Variants in BEGAIN observed in about 807,000 individuals in gnomAD.
BEGAIN encodes brain enriched guanylate kinase associated, also known as brain-enriched guanylate kinase-associated protein.
A neutral mutation model predicts 35.8 loss-of-function variants in BEGAIN; 19 were observed. The ratio of observed to expected loss-of-function variants is 0.53; its 90% CI spans 0.37 to 0.78. The LOEUF is 0.78. Ranked by LOEUF, BEGAIN falls within the 30% of genes least tolerant of loss-of-function variation. The pLI, the probability that BEGAIN is intolerant of heterozygous loss-of-function variation, is 0.00. For missense variants in BEGAIN, 795 were observed against 853.6 expected, an observed-to-expected ratio of 0.93 and a Z score of 0.85; for synonymous variants, 462 against 388.6, an observed-to-expected ratio of 1.19 and a Z score of -2.22.
chr14:100,542,799 C>T (rs1212266544), intron 5 of BEGAIN, among the ~76,000 whole-genome samples: 2 of 152,368 alleles, frequency 1.3e-5, no homozygotes, highest in East Asian at 3.9e-4. Context: ...CTCCTGTCCT[C>T]GTCCCTACAG....
chr14:100,583,754 C>T (rs1338281521), intron 1 of BEGAIN, among the ~76,000 whole-genome samples: 2 of 130,226 alleles, frequency 1.5e-5, no homozygotes, highest in Admixed American at 8.6e-5. Context: ...TGTAGTGGCA[C>T]GATCTCGGCT....
intron 1 of BEGAIN, chr14:100,577,821 G>C (rs2035234196): frequency 2.5e-6 from 1 of 399,390 alleles, no homozygotes; most frequent in South Asian, 1.3e-4. Context: ...TTGGCATGTG[G>C]CTTCGAAGGT....
chr14:100,581,730 C>T (rs1478868683), intron 1 of BEGAIN, among the ~76,000 whole-genome samples: 3 of 152,236 alleles, frequency 2.0e-5, no homozygotes, highest in Admixed American at 2.0e-4. Flanking sequence ...ACACCCGTTT[C>T]CTCTCCAGAT....
rs1159747317 is a variant in BEGAIN, at chr14:100,586,857, C to G, written c.42+392G>C. ...GCCCTGCCCCCAGACGCAGGCGGGT[C>G]CAGGCCTGCCCGCACCCTCGCCACC... On this transcript the variant is annotated intron_variant, in intron 1 of 6. Coordinates refer to ENST00000554140, the MANE Select transcript of BEGAIN (RefSeq NM_001385089.1). The surrounding 1 kb of genome is among the most constrained non-coding windows in gnomAD (Gnocchi z 4.9). Among the ~76,000 whole-genome samples the G allele has an allele frequency of 6.6e-6, 1 of 152,112 alleles. No individual in the cohort carries two copies. Among genetic ancestry groups the G allele is most frequent in the Non-Finnish European group, 1.5e-5 (1 of 67,996 alleles).
chr14:100,579,140 C>A (rs1031562874), intron 1 of BEGAIN, among the ~76,000 whole-genome samples: 2 of 152,222 alleles, frequency 1.3e-5, no homozygotes, highest in Non-Finnish European at 2.9e-5. Context: ...GGATTATAGG[C>A]GTGAGCCACT....
intron 2 of BEGAIN, among the ~76,000 whole-genome samples, chr14:100,562,322 A>G (rs903610726): frequency 1.3e-5 from 2 of 152,032 alleles, no homozygotes; most frequent in Non-Finnish European, 2.9e-5. Flanking sequence ...CCCACCCTCA[A>G]TGAGCACCTA....
At chr14:100,554,220 G>A (rs555410430) in intron 2 of BEGAIN, among the ~76,000 whole-genome samples, 14 of 152,308 alleles carry the variant, frequency 9.2e-5, no homozygotes, top group African/African-American at 2.4e-4. Flanking sequence ...TGGAGGCTGC[G>A]GGGGAGGCCT....
At chr14:100,578,118 C>T (rs955368446) in intron 1 of BEGAIN, among the ~76,000 whole-genome samples, 2 of 152,166 alleles carry the variant, frequency 1.3e-5, no homozygotes, top group Non-Finnish European at 2.9e-5. Context: ...AGTGGCAGGG[C>T]CTCTTGGCCT....
At chr14:100,577,828 A>G (rs927957045) in intron 1 of BEGAIN, 5 of 399,284 alleles carry the variant, frequency 1.3e-5, no homozygotes, top group Non-Finnish European at 2.2e-5. Flanking sequence ...GTGGCTTCGA[A>G]GGTCCTGTCT....
chr14:100,567,863 C>T lies in BEGAIN; in HGVS notation c.71+48G>A. On this transcript the variant is annotated intron_variant, in intron 2 of 6. Coordinates refer to ENST00000554140, the MANE Select transcript of BEGAIN (RefSeq NM_001385089.1). This position sits in a 1 kb window ranked among gnomAD's most constrained non-coding sequence, Gnocchi z 5.1. The stretch of plus-strand genomic sequence containing the variant: ...CCCCCGCCTTCCCCAGCGCCCTCAC[C>T]CCCGACCCGGCCCCCGCGAGCCGCG... 6.9e-7 allele frequency: 1 copy of T among 1,459,612 alleles called. No individual in the cohort carries two copies. Among genetic ancestry groups the T allele is most frequent in the South Asian group, 1.3e-5 (1 of 79,404 alleles). The allele number at this position is 1,459,612 out of a possible 1,614,324, so 90.4% of individuals were successfully genotyped here.
rs761861721 is a variant in BEGAIN at position 100,562,690 on chromosome 14, C to CT, written c.71+5220dup. 3.0e-4 allele frequency among the ~76,000 whole-genome samples: 46 copies of CT among 152,172 alleles called. 1 individual carries two copies. Among genetic ancestry groups the CT allele is most frequent in the Non-Finnish European group, 5.4e-4 (37 of 68,032 alleles). ...AGGCCACCGGTACACCTGCTGCTCC[C>CT]TCTGCCTGGACCTCCTGGTGCCTTG... On this transcript the variant is annotated intron_variant, in intron 2 of 6. Coordinates refer to ENST00000554140, the MANE Select transcript of BEGAIN (RefSeq NM_001385089.1).
In BEGAIN at chr14:100,538,950, G is replaced by A. The variant is rs377304767; in HGVS notation, c.858C>T (p.Ala286=). The change falls in exon 7 of 7, where the codon GCC becomes GCT. Residue 286 remains alanine (A), a synonymous_variant. Transcript: ENST00000554140. ...LRAQNSTDSA[A]EEEEEAEAAA... ...CCGCCTCGGCCTCCTCCTCCTCCTC[G>A]GCCGCGCTGTCAGTGGAGTTCTGGG... The A allele has an allele frequency of 2.3e-5, 37 of 1,608,878 alleles. No individual in the cohort carries two copies. The African/African-American group carries it at 3.7e-4, about 16-fold the overall frequency.
intron 5 of BEGAIN, 75 bp downstream of exon 5, chr14:100,543,783 T>C: frequency 3.4e-6 from 4 of 1,160,600 alleles, no homozygotes; most frequent in Non-Finnish European, 2.5e-6. Flanking sequence ...AGAATGTGAC[T>C]CCCAGTGCAT....
chr14:100,573,000 G>A (rs1049506668), intron 1 of BEGAIN, among the ~76,000 whole-genome samples: 6 of 151,932 alleles, frequency 3.9e-5, no homozygotes, highest in Non-Finnish European at 8.8e-5. Flanking sequence ...CCCAAGAGAT[G>A]AATCAGTACA....
intron 3 of BEGAIN, chr14:100,545,343 T>TGATACGGCGAC: frequency 4.6e-6 from 6 of 1,316,298 alleles, no homozygotes; most frequent in Admixed American, 6.8e-5. Context: ...GGCTTGTTAT[T>TGATACGGCGAC]CACAAGAGAC....
chr14:100,587,225 C>T (rs2035465822), intron 1 of BEGAIN, 24 bp downstream of exon 1: 1 of 189,598 alleles, frequency 5.3e-6, no homozygotes, highest in Non-Finnish European at 1.1e-5. Context: ...CCGCGCCCTG[C>T]CCTCCCGGCT....
At chr14:100,583,646 CTT>C (rs1438061108) in intron 1 of BEGAIN, among the ~76,000 whole-genome samples, 1 of 146,298 alleles carries the variant, frequency 6.8e-6, no homozygotes, top group Non-Finnish European at 1.5e-5. Context: ...TTCTTTCTTT[CTT>C]TTCTTTTTTT....
chr14:100,577,878 G>A, intron 1 of BEGAIN: 1 of 399,266 alleles, frequency 2.5e-6, no homozygotes, highest in Non-Finnish European at 4.4e-6. Context: ...CGGGCTCCAG[G>A]AGGGAGCTGT....
chr14:100,587,371 C>G lies in BEGAIN; in HGVS notation c.-81G>C, dbSNP rs1291915479. The G allele has an allele frequency of 6.8e-6, 1 of 146,358 alleles. No homozygotes were observed. Among genetic ancestry groups the G allele is most frequent in the African/African-American group, 2.5e-5 (1 of 40,690 alleles). The allele number at this position is 146,358 out of a possible 1,614,324, so 9.1% of individuals were successfully genotyped here. ...CTCCGAGGCCGAGCGCGCCGGGAGC[C>G]GGCGCGGCCGGGGCTCCCCCACCCC... On this transcript the variant is annotated 5_prime_UTR_variant, in exon 1 of 7. Transcript: ENST00000554140.
Sources: gnomAD v4.1 joint callset for allele counts (sites outside exome capture counted in the v4.1 genomes callset) on GRCh38, gnomAD v4.1.1 for gene constraint, Gnocchi (gnomAD v3.1) non-coding constraint, MANE v1.5 for transcripts, NCBI Gene and HGNC (gene_info 2026-07-23, HGNC 2026-07-21) for gene names.